Variants in ZNF85 observed in about 807,000 individuals in gnomAD.
ZNF85 encodes zinc finger protein 85, also known as zinc finger protein 85 (HPF4, HTF1).
Under a neutral mutation model 53.9 loss-of-function variants are expected in ZNF85, and 50 were observed. The observed-to-expected ratio is 0.93, with a 90% confidence interval of 0.74 to 1.17. The LOEUF (loss-of-function observed/expected upper bound fraction) is 1.17. Ranked by LOEUF, ZNF85 falls within the 50% of genes most tolerant of loss-of-function variation. The pLI, the probability that ZNF85 is intolerant of heterozygous loss-of-function variation, is 0.00. For synonymous variants in ZNF85, 225 were observed against 226.1 expected (o/e 1.00, Z 0.04); for missense variants, 747 against 688.5 (o/e 1.08, Z -0.95).
intron 1 of ZNF85, among the ~76,000 whole-genome samples, chr19:20,930,943 T>C (rs1599429908): frequency 1.3e-5 from 2 of 152,190 alleles, no homozygotes; most frequent in South Asian, 2.1e-4. Flanking sequence ...CAGCTAATTT[T>C]TTTGTATTTT....
In ZNF85 at chr19:20,934,052, T is replaced by C. The variant is rs771510060; in HGVS notation, c.32T>C (p.Ile11Thr). 10 of 1,611,938 alleles carry C rather than the reference T, an allele frequency of 6.2e-6. No individual in the cohort carries two copies. In the East Asian group the frequency reaches 1.3e-4, roughly 22 times the overall value. ...CCATTGACATTTAGGGATGTGGCCA[T>C]AGAATTCTCTCTGAAGGAGTGGCAA... MGPLTFRDVA[I>T]EFSLKEWQCL... is the part of the protein sequence containing the mutation. The change falls in exon 2 of 4, where the codon ATA becomes ACA. Residue 11 changes from isoleucine (I) to threonine (T), a missense_variant. Physicochemically the swap from Ile to Thr is moderately conservative, Grantham distance 89. Transcript: ENST00000328178.
At chr19:20,933,907 A>G (rs1271035665) in intron 1 of ZNF85, 117 bp from the exon 2 acceptor site, 3 of 1,165,442 alleles carry the variant, frequency 2.6e-6, no homozygotes, top group Non-Finnish European at 2.3e-6. Flanking sequence ...GTACTCTCTC[A>G]TTTCACCTTG....
chr19:20,945,923 A>G lies in ZNF85; in HGVS notation c.230-2821A>G, dbSNP rs1024740403. Among the ~76,000 whole-genome samples, 5 of 152,356 alleles carry G rather than the reference A, an allele frequency of 3.3e-5. No individual in the cohort carries two copies. The South Asian group carries it at 1.0e-3, about 32-fold the overall frequency. ...GTAAATGACTCTTTATATGACATGTACATTACGTATGTACTGCATTCTCTT... is the reference window on the plus strand; with the variant it reads ...GTAAATGACTCTTTATATGACATGTGCATTACGTATGTACTGCATTCTCTT... On this transcript the variant is annotated intron_variant, in intron 3 of 3. Transcript: ENST00000328178.
intron 3 of ZNF85, among the ~76,000 whole-genome samples, chr19:20,939,295 A>G (rs1973236931): frequency 6.6e-6 from 1 of 152,136 alleles, no homozygotes; most frequent in Admixed American, 6.5e-5. Flanking sequence ...TTGCTCTGTC[A>G]CCCAGGCTGG....
intron 3 of ZNF85, chr19:20,946,302 T>G (rs1973418214): frequency 2.4e-6 from 1 of 410,880 alleles, no homozygotes; most frequent in Non-Finnish European, 4.8e-6. Context: ...CCTAACAGGT[T>G]GTCTATCAAA....
Position 20,950,027 on chromosome 19 carries a change from A to T in ZNF85, c.1513A>T (p.Thr505Ser), listed in dbSNP as rs1324496228. The T allele has an allele frequency of 6.2e-7, 1 of 1,613,106 alleles. No homozygotes were observed. Among genetic ancestry groups the T allele is most frequent in the Admixed American group, 1.7e-5 (1 of 59,996 alleles). The change falls in exon 4 of 4, where the codon ACT (threonine) becomes TCT (serine). Residue 505 changes from threonine to serine, a missense_variant. Transcript: ENST00000328178. ...STLTIHKIIHTGEKPYKCEEC... is the reference protein window; with the variant it reads ...STLTIHKIIHSGEKPYKCEEC... The stretch of plus-strand genomic sequence containing the variant: ...CCTTACTATCCATAAGATAATTCAT[A>T]CTGGAGAGAAACCATACAAATGTGA...
At chr19:20,932,101 G>A (rs1363252458) in intron 1 of ZNF85, among the ~76,000 whole-genome samples, 1 of 152,108 alleles carries the variant, frequency 6.6e-6, no homozygotes, top group Admixed American at 6.5e-5. Context: ...TGGGTCTGGT[G>A]GTAGCAGATG....
At chr19:20,936,116 A>T (rs959209045) in intron 3 of ZNF85, among the ~76,000 whole-genome samples, 2 of 152,164 alleles carry the variant, frequency 1.3e-5, no homozygotes, top group East Asian at 3.8e-4. Flanking sequence ...TTTTATGTAT[A>T]TGGAACCCTA....
At chr19:20,938,876 GTA>G (rs140643694) in intron 3 of ZNF85, among the ~76,000 whole-genome samples, 1,868 of 140,340 alleles carry the variant, frequency 0.013, 23 homozygotes, top group East Asian at 0.067. Context: ...GTGTGTGTGT[GTA>G]TATATATGTG....
Position 20,939,506 on chromosome 19 carries a change from G to C in ZNF85, c.229+4459G>C, listed in dbSNP as rs147175034. Among the ~76,000 whole-genome samples the C allele has an allele frequency of 3.1e-3, 466 of 152,232 alleles. 20 individuals are homozygous for C. In the East Asian group the frequency reaches 0.081, roughly 27 times the overall value. On this transcript the variant is annotated intron_variant, in intron 3 of 3. Transcript: ENST00000328178. ...CTGACCTAGTGACCCGCCCACCTCA[G>C]CCTCCCAAAGTGCTGAGATTACAGG...
rs1180875541 is a variant in ZNF85 at position 20,950,193 on chromosome 19, A to C, written c.1679A>C (p.His560Pro). 1 of 1,612,806 alleles carries C rather than the reference A, an allele frequency of 6.2e-7. No homozygotes were observed. Among genetic ancestry groups the C allele is most frequent in the Admixed American group, 1.7e-5 (1 of 59,840 alleles). The change falls in exon 4 of 4, where the codon CAT becomes CCT. Residue 560 changes from histidine to proline, a missense_variant. His to Pro is a moderately conservative substitution (Grantham distance 77). Coordinates refer to ENST00000328178, the MANE Select transcript of ZNF85 (RefSeq NM_003429.5). ...AACCTTACTAAACATAAGAGAATTC[A>C]TACTGGAGAAAAACCTTACAAATGT... ...SSNLTKHKRI[H>P]TGEKPYKCEE...
chr19:20,925,721 G>A (rs531270574), intron 1 of ZNF85, among the ~76,000 whole-genome samples: 38 of 152,220 alleles, frequency 2.5e-4, no homozygotes, highest in African/African-American at 8.4e-4. Context: ...GAGCAGGAGC[G>A]GGTGGGAGAA....
At chr19:20,940,296 G>A (rs138856339) in intron 3 of ZNF85, among the ~76,000 whole-genome samples, 1 of 152,118 alleles carries the variant, frequency 6.6e-6, no homozygotes, top group Non-Finnish European at 1.5e-5. Flanking sequence ...GATTTGGAGA[G>A]GCCAAGACAA....
chr19:20,950,522 AACT>A lies in ZNF85; in HGVS notation c.*223_*225del, dbSNP rs1341596610. 19 of 411,504 alleles carry A rather than the reference AACT, an allele frequency of 4.6e-5. No homozygotes were observed. Among genetic ancestry groups the A allele is most frequent in the African/African-American group, 2.1e-4 (10 of 48,742 alleles). The allele number at this position is 411,504 out of a possible 1,614,324, so 25.5% of individuals were successfully genotyped here. ...AGGTAAGATAATTCATATTGGAACA[AACT>A]ACAAGTGCAAACAATGTGGCAAAAC... On this transcript the variant is annotated 3_prime_UTR_variant, in exon 4 of 4. Coordinates refer to ENST00000328178, the MANE Select transcript of ZNF85 (RefSeq NM_003429.5).
Position 20,948,743 on chromosome 19 carries a change from G to T in ZNF85, c.230-1G>T. 1 of 1,536,272 alleles carries T rather than the reference G, an allele frequency of 6.5e-7. No individual in the cohort carries two copies. Among genetic ancestry groups the T allele is most frequent in the Admixed American group, 2.1e-5 (1 of 47,168 alleles). The stretch of plus-strand genomic sequence containing the variant: ...TAATTTGTCATTTTTGTTTCTTTCA[G>T]TTATGTGTTCTCATTTTGCCCAAGA... On this transcript the variant is annotated splice_acceptor_variant, in intron 3 of 3. Transcript: ENST00000328178. LOFTEE classifies it high-confidence loss of function.
At chr19:20,943,275 AC>A (rs1973342292) in intron 3 of ZNF85, 1 of 159,702 alleles carries the variant, frequency 6.3e-6, no homozygotes, top group Non-Finnish European at 1.4e-5. Context: ...TGGATGTGGA[AC>A]CTGGTGGGAG....
chr19:20,938,850 ATGTGTGTG>A (rs145473574), intron 3 of ZNF85, among the ~76,000 whole-genome samples: 2 of 140,986 alleles, frequency 1.4e-5, no homozygotes, highest in Non-Finnish European at 3.2e-5. Context: ...ATTCTGCTAT[ATGTGTGTG>A]TGTGTGTGTG....
intron 1 of ZNF85, chr19:20,926,978 A>G (rs12980935): frequency 0.2 from 29,852 of 151,984 alleles, 3,374 homozygotes; most frequent in Non-Finnish European, 0.25. Flanking sequence ...GATTAGAAAA[A>G]AGGTGGGAGG....
chr19:20,946,455 A>G, intron 3 of ZNF85: 1 of 333,144 alleles, frequency 3.0e-6, no homozygotes, highest in Non-Finnish European at 5.8e-6. Flanking sequence ...TTATTATTAT[A>G]GAAAGTAGGT....
Sources: gnomAD v4.1 joint callset for allele counts (sites outside exome capture counted in the v4.1 genomes callset) on GRCh38, gnomAD v4.1.1 for gene constraint, MANE v1.5 for transcripts, NCBI Gene and HGNC (gene_info 2026-07-23, HGNC 2026-07-21) for gene names.